NGEF: variants seen among roughly 807,000 people sequenced by gnomAD.
The protein encoded by NGEF is ephexin-1.
NGEF carries 31 observed loss-of-function variants against 80.9 expected under a neutral mutation model. The ratio of observed to expected loss-of-function variants is 0.38; its 90% CI spans 0.29 to 0.52. The LOEUF is 0.52. NGEF is among the 20% of genes least tolerant of loss of function. NGEF has a pLI of 0.84. For missense variants in NGEF, 709 were observed against 926.2 expected, an observed-to-expected ratio of 0.77 and a Z score of 3.04; for synonymous variants, 371 against 370.2, an observed-to-expected ratio of 1.00 and a Z score of -0.03.
In NGEF at chr2:232,963,702, G is replaced by A. The variant is rs568663786; in HGVS notation, c.383+6512C>T. Among the ~76,000 whole-genome samples, 326 of 152,048 alleles carry A rather than the reference G, an allele frequency of 2.1e-3. 2 individuals carry two copies. The highest frequency in any genetic ancestry group is 3.3e-3 in the Non-Finnish European group (222 of 67,968). On this transcript the variant is annotated intron_variant, in intron 3 of 14. Transcript: ENST00000264051. ...GGTGGCAGGAGTCTGTAATTCCAGC[G>A]ACTTGGGAGGCTGAGGCAGGAGAAT...
In NGEF at chr2:232,879,119, C is replaced by T; in HGVS notation, c.*370G>A. The T allele has an allele frequency of 5.4e-6, 1 of 186,418 alleles. No individual in the cohort carries two copies. Among genetic ancestry groups the T allele is most frequent in the Non-Finnish European group, 1.1e-5 (1 of 90,008 alleles). 11.5% of individuals were successfully genotyped at this position (186,418 alleles called of 1,614,324 possible). On this transcript the variant is annotated 3_prime_UTR_variant, in exon 15 of 15. Transcript: ENST00000264051. Reference sequence around the variant, plus strand: ...AAATCGTGTCAATTGTCACCTTCTGCCTGCCTCCCACAGGGACACTCTGGG... The same window carrying T: ...AAATCGTGTCAATTGTCACCTTCTGTCTGCCTCCCACAGGGACACTCTGGG...
chr2:232,906,143 C>G, intron 5 of NGEF, among the ~76,000 whole-genome samples: 1 of 81,206 alleles, frequency 1.2e-5, no homozygotes, highest in African/African-American at 4.4e-5. Context: ...CCCGCCCGGC[C>G]ACCCGCCCCG....
intron 1 of NGEF, among the ~76,000 whole-genome samples, chr2:232,998,151 C>T (rs753384151): frequency 2.6e-5 from 4 of 152,008 alleles, no homozygotes; most frequent in South Asian, 2.1e-4. Flanking sequence ...CAGAGGAAAC[C>T]GCAGTGGGAG....
intron 12 of NGEF, 41 bp from the exon 13 acceptor site, chr2:232,882,306 C>A: frequency 6.4e-7 from 1 of 1,561,196 alleles, no homozygotes; most frequent in Non-Finnish European, 8.8e-7. Flanking sequence ...TGCAGATCAA[C>A]GGCAGCCCCC....
intron 3 of NGEF, among the ~76,000 whole-genome samples, chr2:232,947,650 C>A (rs2106302718): frequency 6.6e-6 from 1 of 152,336 alleles, no homozygotes; most frequent in African/African-American, 2.4e-5. Context: ...GCCTCCTCAG[C>A]CACGTAGAAC....
chr2:232,987,021 CT>C (rs1023416429), intron 1 of NGEF, among the ~76,000 whole-genome samples: 17 of 151,776 alleles, frequency 1.1e-4, no homozygotes, highest in Non-Finnish European at 1.2e-4. Context: ...AGGACTCTTT[CT>C]TTCTTTTTTT....
intron 4 of NGEF, among the ~76,000 whole-genome samples, chr2:232,924,759 A>G: frequency 6.6e-6 from 1 of 152,314 alleles, no homozygotes; most frequent in East Asian, 1.9e-4. Flanking sequence ...GTTGCTTAAG[A>G]GCACTTTTTG....
chr2:232,991,171 G>A (rs1574656609), intron 1 of NGEF, among the ~76,000 whole-genome samples: 1 of 152,096 alleles, frequency 6.6e-6, no homozygotes, highest in African/African-American at 2.4e-5. Context: ...TTAAGATCAG[G>A]AAGAAGATAA....
At chr2:232,985,371 C>A (rs1352614006) in intron 1 of NGEF, among the ~76,000 whole-genome samples, 2 of 152,160 alleles carry the variant, frequency 1.3e-5, no homozygotes, top group African/African-American at 2.4e-5. Flanking sequence ...AATCTCAGCC[C>A]TTTGGGAGGC....
In NGEF at chr2:232,970,307, G is replaced by A. The variant is rs769923544; in HGVS notation, c.290C>T (p.Ser97Phe). The change falls in exon 3 of 15, where the codon TCT (serine) becomes TTT (phenylalanine). Residue 97 changes from serine to phenylalanine, a missense_variant. Physicochemically the swap from Ser to Phe is radical, Grantham distance 155 (BLOSUM62 -2). Coordinates refer to ENST00000264051, the MANE Select transcript of NGEF (RefSeq NM_019850.3). ...CLADSQDNGK[S>F]VNEPLTLNIP... is the part of the protein sequence containing the mutation. ...ATTCAAGGTCAGGGGCTCATTTACA[G>A]ATTTTCCATTGTCCTGTGAATCTGT... 16 of 1,601,062 alleles carry A rather than the reference G, an allele frequency of 1.0e-5. No homozygotes were observed. The South Asian group carries it at 1.8e-4, about 18-fold the overall frequency.
At position 232,979,999 on chromosome 2, in the gene NGEF, C is replaced by T. The variant is rs115050203; in HGVS notation, c.-74-5035G>A. Among the ~76,000 whole-genome samples, 1,481 of 152,222 alleles carry T rather than the reference C, an allele frequency of 9.7e-3. 30 individuals are homozygous for T. The highest frequency in any genetic ancestry group is 0.033 in the African/African-American group (1,391 of 41,536). On this transcript the variant is annotated intron_variant, in intron 1 of 14. Coordinates refer to ENST00000264051, the MANE Select transcript of NGEF (RefSeq NM_019850.3). ...AGAGCTGTGATAATCTGGCCAAGGT[C>T]GCATGGCTGGCAAATGGTGCGGCAG...
chr2:232,967,406 C>A (rs151131516), intron 3 of NGEF, among the ~76,000 whole-genome samples: 3 of 152,098 alleles, frequency 2.0e-5, no homozygotes, highest in Non-Finnish European at 4.4e-5. Flanking sequence ...ATGATCTCAG[C>A]TCACTGCAAC....
Position 232,920,446 on chromosome 2 carries a change from C to T in NGEF, c.666G>A (p.Glu222=), listed in dbSNP as rs202174013. The change falls in exon 5 of 15, where the codon GAG becomes GAA. Residue 222 remains glutamate (E), a synonymous_variant. Transcript: ENST00000264051. ...EDTPEEEEEE[E]EEEEPASPPE... ...GTGGGCTGGCCGGCTCCTCCTCCTC[C>T]TCCTCTTCTTCTTCCTCCTCCGGGG... The T allele has an allele frequency of 9.3e-6, 15 of 1,613,960 alleles. No homozygotes were observed. The highest frequency in any genetic ancestry group is 1.3e-5 in the Non-Finnish European group (15 of 1,179,910).
chr2:232,898,617 G>A (rs1386247083), intron 5 of NGEF, among the ~76,000 whole-genome samples: 1 of 152,218 alleles, frequency 6.6e-6, no homozygotes, highest in Non-Finnish European at 1.5e-5. Flanking sequence ...CCTCTACATG[G>A]CAGCATAGAG....
intron 3 of NGEF, among the ~76,000 whole-genome samples, chr2:232,957,390 T>C (rs557357388): frequency 1.3e-5 from 2 of 152,272 alleles, no homozygotes; most frequent in East Asian, 3.9e-4. Flanking sequence ...TGGCGCAATC[T>C]GGACTCACTG....
chr2:232,904,951 AAAAC>A (rs1013099249), intron 5 of NGEF, among the ~76,000 whole-genome samples: 5 of 152,226 alleles, frequency 3.3e-5, no homozygotes, highest in Non-Finnish European at 5.9e-5. Flanking sequence ...TCTAAATAAA[AAAAC>A]AAACAAAAAC....
rs778762741 is a variant in NGEF, at chr2:232,881,221, A to G, written c.1867T>C (p.Tyr623His). 6.8e-6 allele frequency: 11 copies of G among 1,609,826 alleles called. No individual in the cohort carries two copies. In the South Asian group the frequency reaches 7.7e-5, roughly 11 times the overall value. Residue 623 changes from tyrosine to histidine, a missense_variant, in exon 14 of 15, where the codon TAC becomes CAC. Physicochemically the swap from Tyr to His is moderately conservative, Grantham distance 83 (BLOSUM62 2). Transcript: ENST00000264051. ...DCPQVQCVHP[Y>H]VAQQPDELTL... ...AGCTCGTCTGGCTGCTGAGCCACGT[A>G]TGGGTGCACGCACTGGACCTGGGGG...
intron 1 of NGEF, among the ~76,000 whole-genome samples, chr2:232,975,344 G>T (rs1187249560): frequency 6.6e-6 from 1 of 152,160 alleles, no homozygotes; most frequent in East Asian, 1.9e-4. Flanking sequence ...GAAAGTCTCA[G>T]AAGATGAGAA....
At chr2:232,968,757 G>A (rs1056156647) in intron 3 of NGEF, among the ~76,000 whole-genome samples, 4 of 152,222 alleles carry the variant, frequency 2.6e-5, no homozygotes, top group South Asian at 2.1e-4. Flanking sequence ...TGCTGGTGGA[G>A]GTGGCCATGT....
Sources: allele counts gnomAD v4.1 joint callset (sites outside exome capture counted in the v4.1 genomes callset), GRCh38; gene constraint gnomAD v4.1.1; transcripts MANE v1.5; gene names NCBI Gene and HGNC (gene_info 2026-07-23, HGNC 2026-07-21).